The following ADAMTS7 variants were observed in gnomAD, a reference collection of about 807,000 sequenced individuals.
ADAMTS7 encodes the protein ADAM metallopeptidase with thrombospondin type 1 motif 7, also known as A disintegrin and metalloproteinase with thrombospondin motifs 7.
A neutral mutation model predicts 172.6 loss-of-function variants in ADAMTS7; 89 were observed. The ratio of observed to expected loss-of-function variants is 0.52; its 90% CI spans 0.43 to 0.61. ADAMTS7 has a LOEUF of 0.61. ADAMTS7 is among the 20% of genes least tolerant of loss of function. The pLI, the probability that ADAMTS7 is intolerant of heterozygous loss-of-function variation, is 0.00. For missense variants in ADAMTS7, 1,973 were observed against 2,355.6 expected (o/e 0.84, Z 3.36); for synonymous variants, 885 against 978.4 (o/e 0.90, Z 1.78).
chr15:78,808,863 C>A (rs2055830390), intron 1 of ADAMTS7, among the ~76,000 whole-genome samples: 1 of 152,216 alleles, frequency 6.6e-6, no homozygotes, highest in African/African-American at 2.4e-5. Context: ...CTGATTGGAC[C>A]AAGCTCCTGC....
chr15:78,764,451 C>T, intron 20 of ADAMTS7, 104 bp downstream of exon 20: 1 of 1,399,392 alleles, frequency 7.1e-7, no homozygotes, highest in Non-Finnish European at 9.5e-7. Context: ...GATGTGCAGC[C>T]TGGGGCCCTC....
Position 78,785,276 on chromosome 15 carries a change from C to T in ADAMTS7, c.1322+2955G>A, listed in dbSNP as rs1228168752. Among the ~76,000 whole-genome samples, 7 of 152,056 alleles carry T rather than the reference C, an allele frequency of 4.6e-5. 1 individual carries two copies. Among genetic ancestry groups the T allele is most frequent in the South Asian group, 2.1e-4 (1 of 4,836 alleles). ...AAAAAGAAATGCCATCTAGATGGGG[C>T]GCAGTGGCTCTCATCTGTAATCCCA... is the stretch of plus-strand genomic sequence containing the variant. On this transcript the variant is annotated intron_variant, in intron 8 of 23. Coordinates refer to ENST00000388820, the MANE Select transcript of ADAMTS7 (RefSeq NM_014272.5).
In ADAMTS7 at chr15:78,765,637, C is replaced by A. The variant is rs2055127729; in HGVS notation, c.4266+8G>T. On this transcript the variant is annotated splice_region_variant and intron_variant, in intron 19 of 23. Coordinates refer to ENST00000388820, the MANE Select transcript of ADAMTS7 (RefSeq NM_014272.5). Reference sequence around the variant, plus strand: ...AAACTCCCTGCCCGCCCAGCCCACACCACTTGCCTCGCTCCAGTTTCCCGC... The same window carrying A: ...AAACTCCCTGCCCGCCCAGCCCACAACACTTGCCTCGCTCCAGTTTCCCGC... The A allele has an allele frequency of 1.9e-6, 3 of 1,606,286 alleles. No homozygotes were observed. The highest frequency in any genetic ancestry group is 1.7e-5 in the Admixed American group (1 of 58,960).
At chr15:78,797,393 G>T (rs188285583) in intron 3 of ADAMTS7, among the ~76,000 whole-genome samples, 1 of 152,248 alleles carries the variant, frequency 6.6e-6, no homozygotes, top group African/African-American at 2.4e-5. Context: ...GCCTGAGATT[G>T]GCTTGCTAGC....
At chr15:78,764,383 C>A (rs1440182985) in intron 20 of ADAMTS7, among the ~76,000 whole-genome samples, 172 bp downstream of exon 20, 4 of 152,234 alleles carry the variant, frequency 2.6e-5, no homozygotes, top group African/African-American at 9.6e-5. Context: ...ACAGGCCAAG[C>A]CAGACAAAGA....
intron 12 of ADAMTS7, 76 bp from the exon 13 acceptor site, chr15:78,774,376 G>A: frequency 1.4e-6 from 2 of 1,475,374 alleles, no homozygotes; most frequent in South Asian, 2.7e-5. Flanking sequence ...ACCCCTCCGT[G>A]ACACACATCC....
At chr15:78,800,632 G>A (rs1045980818) in intron 1 of ADAMTS7, 85 bp from the exon 2 acceptor site, 19 of 1,275,884 alleles carry the variant, frequency 1.5e-5, no homozygotes, top group East Asian at 2.5e-5. Flanking sequence ...GAGCGGCCAA[G>A]AGGGGGCTGC....
chr15:78,772,796 C>A (rs1418565748), intron 14 of ADAMTS7, among the ~76,000 whole-genome samples: 6 of 152,278 alleles, frequency 3.9e-5, no homozygotes, highest in African/African-American at 1.4e-4. Context: ...GTCTCAGAAG[C>A]TTCAGGAGGA....
Position 78,759,277 on chromosome 15 carries a change from C to T in ADAMTS7, c.*144G>A. ...CACAAACTGTTAGAATAAAAAAATACCTTTTTTGAGGGGGAGGAGGTCCCC... is the reference window on the plus strand; with the variant it reads ...CACAAACTGTTAGAATAAAAAAATATCTTTTTTGAGGGGGAGGAGGTCCCC... On this transcript the variant is annotated 3_prime_UTR_variant, in exon 24 of 24. Coordinates refer to ENST00000388820, the MANE Select transcript of ADAMTS7 (RefSeq NM_014272.5). 1 of 671,848 alleles carries T rather than the reference C, an allele frequency of 1.5e-6. No individual in the cohort carries two copies. Among genetic ancestry groups the T allele is most frequent in the Admixed American group, 3.6e-5 (1 of 27,954 alleles). 41.6% of individuals were successfully genotyped at this position (671,848 alleles called of 1,614,324 possible). A position where few individuals can be genotyped will look rare whatever the true frequency, so the allele number is the denominator to read the frequency against.
intron 1 of ADAMTS7, among the ~76,000 whole-genome samples, chr15:78,806,091 A>AACACACACACACAC (rs1216857182): frequency 4.0e-4 from 11 of 27,432 alleles, no homozygotes; most frequent in South Asian, 2.1e-3. Flanking sequence ...CCCCCCCAAA[A>AACACACACACACAC]ACACACACAC....
chr15:78,785,984 C>G (rs1334817529), intron 8 of ADAMTS7, among the ~76,000 whole-genome samples: 1 of 149,814 alleles, frequency 6.7e-6, no homozygotes, highest in African/African-American at 2.4e-5. Flanking sequence ...GGTTGGAGTG[C>G]AGTGGCGCGA....
Position 78,776,296 on chromosome 15 carries a change from C to T in ADAMTS7, c.1598G>A (p.Arg533Gln), listed in dbSNP as rs376273275. 1.6e-5 allele frequency: 26 copies of T among 1,611,770 alleles called. No homozygotes were observed. Among genetic ancestry groups the T allele is most frequent in the South Asian group, 5.5e-5 (5 of 90,992 alleles). The change falls in exon 11 of 24, where the codon CGG (arginine) becomes CAG (glutamine). Residue 533 changes from arginine to glutamine, a missense_variant. Transcript: ENST00000388820. ...LSGECVPVGF[R>Q]PEAVDGGWSG... The stretch of plus-strand genomic sequence containing the variant: ...CCAGCCACCATCCACGGCCTCGGGC[C>T]GGAAGCCCACGGGTACGCACTCCCC...
At chr15:78,778,903 G>C (rs1239625096) in intron 8 of ADAMTS7, among the ~76,000 whole-genome samples, 1 of 152,156 alleles carries the variant, frequency 6.6e-6, no homozygotes, top group East Asian at 1.9e-4. Flanking sequence ...GAACACGAAA[G>C]GGTCAGGAAA....
intron 8 of ADAMTS7, among the ~76,000 whole-genome samples, chr15:78,786,341 T>C (rs1247152043): frequency 1.3e-5 from 2 of 152,208 alleles, no homozygotes; most frequent in African/African-American, 4.8e-5. Context: ...ATCTCACATT[T>C]ACTTTGGTCC....
intron 7 of ADAMTS7, among the ~76,000 whole-genome samples, chr15:78,789,126 G>A (rs2055545123): frequency 6.6e-6 from 1 of 152,228 alleles, no homozygotes; most frequent in Admixed American, 6.5e-5. Context: ...CTGGGAGCCT[G>A]CCTTTGATGG....
chr15:78,764,655 G>A lies in ADAMTS7; in HGVS notation c.4319C>T (p.Ser1440Phe), dbSNP rs1222184518. The A allele has an allele frequency of 1.3e-6, 2 of 1,576,322 alleles. No homozygotes were observed. Among genetic ancestry groups the A allele is most frequent in the African/African-American group, 2.7e-5 (2 of 74,388 alleles). The change falls in exon 20 of 24, where the codon TCC (serine) becomes TTC (phenylalanine). Residue 1440 changes from serine to phenylalanine, a missense_variant. Ser to Phe is a radical substitution (Grantham distance 155). Transcript: ENST00000388820. ...GAVWRPVRCS[S>F]GRDEDCAPAG... ...GGGGGCGCAGTCCTCATCCCGGCCG[G>A]AGCTACAGCGCACCGGCCTCCAGAC...
chr15:78,776,298 G>A lies in ADAMTS7; in HGVS notation c.1596C>T (p.Phe532=), dbSNP rs369289164. ...CLSGECVPVG[F]RPEAVDGGWS... is the part of the protein sequence containing the mutation. Reference sequence around the variant, plus strand: ...AGCCACCATCCACGGCCTCGGGCCGGAAGCCCACGGGTACGCACTCCCCAC... The same window carrying A: ...AGCCACCATCCACGGCCTCGGGCCGAAAGCCCACGGGTACGCACTCCCCAC... The change falls in exon 11 of 24, where the codon TTC becomes TTT. Residue 532 remains phenylalanine, a synonymous_variant. Transcript: ENST00000388820. 10 of 1,611,826 alleles carry A rather than the reference G, an allele frequency of 6.2e-6. No homozygotes were observed. The African/African-American group carries it at 1.2e-4, about 19-fold the overall frequency.
chr15:78,764,783 T>A (rs2055113695), intron 19 of ADAMTS7, 76 bp from the exon 20 acceptor site: 4 of 1,393,868 alleles, frequency 2.9e-6, no homozygotes, highest in Admixed American at 3.1e-5. Flanking sequence ...ACTACCCACC[T>A]AGGCTAGCGA....
Position 78,767,367 on chromosome 15 carries a change from T to C in ADAMTS7, c.2859+12A>G, listed in dbSNP as rs889046038. ...GGAGCTGGAGGCGGGCCCCTTCCCA[T>C]CCCACACTCACCTGAGACCAGTTCC... is the stretch of plus-strand genomic sequence containing the variant. On this transcript the variant is annotated intron_variant, in intron 18 of 23. Transcript: ENST00000388820. 6.2e-7 allele frequency: 1 copy of C among 1,611,198 alleles called. No homozygotes were observed. Among genetic ancestry groups the C allele is most frequent in the Non-Finnish European group, 8.5e-7 (1 of 1,179,668 alleles).
Sources: gnomAD v4.1 joint callset for allele counts (sites outside exome capture counted in the v4.1 genomes callset) on GRCh38, gnomAD v4.1.1 for gene constraint, MANE v1.5 for transcripts, NCBI Gene and HGNC (gene_info 2026-07-23, HGNC 2026-07-21) for gene names.